MBTD1: variants seen among roughly 807,000 people sequenced by gnomAD.
The protein encoded by MBTD1 is MBT domain-containing protein 1.
MBTD1 carries 24 observed loss-of-function variants against 87.8 expected under a neutral mutation model. That is an observed-to-expected ratio of 0.27 (90% CI 0.20 to 0.38). MBTD1 has a LOEUF of 0.38. Ranked by LOEUF, MBTD1 falls within the 10% of genes least tolerant of loss-of-function variation. The pLI is 1.00. For synonymous variants in MBTD1, 237 were observed against 248.6 expected (o/e 0.95, Z 0.44); for missense variants, 436 against 760.2 (o/e 0.57, Z 5.02).
intron 2 of MBTD1, chr17:51,249,893 G>C (rs1048747488): frequency 2.6e-5 from 4 of 151,702 alleles, no homozygotes. Flanking sequence ...TCTTATTCTA[G>C]TTCTGAAAAA....
chr17:51,179,490 A>ATATATATATATATATATATATT lies in MBTD1; in HGVS notation c.*1085_*1086insAATATATATATATATATATATA, dbSNP rs2050209521. On this transcript the variant is annotated 3_prime_UTR_variant, in exon 17 of 17. Transcript: ENST00000586178. ...AATACAATTAAAGACAATTTTATAT[A>ATATATATATATATATATATATT]TATATATATATATATATATATATAT... The ATATATATATATATATATATATT allele has an allele frequency of 4.2e-5, 1 of 23,532 alleles. No individual in the cohort carries two copies. The highest frequency in any genetic ancestry group is 9.0e-5 in the Non-Finnish European group (1 of 11,152). 1.5% of individuals were successfully genotyped at this position (23,532 alleles called of 1,614,324 possible).
chr17:51,193,064 G>T, intron 14 of MBTD1, 48 bp from the exon 15 acceptor site: 1 of 1,299,926 alleles, frequency 7.7e-7, no homozygotes, highest in Non-Finnish European at 1.1e-6. Context: ...AAGAAAGAAT[G>T]CACAACCCTA....
rs923958198 is a variant in MBTD1, at chr17:51,213,102, G to A, written c.486+4232C>T. 1.4e-4 allele frequency among the ~76,000 whole-genome samples: 22 copies of A among 152,130 alleles called. 1 individual carries two copies. Among genetic ancestry groups the A allele is most frequent in the Middle Eastern group, 3.4e-3 (1 of 294 alleles). On this transcript the variant is annotated intron_variant, in intron 6 of 16. Transcript: ENST00000586178. ...CACCTAGGCTGGAGTGCAGTGGTACGATCAGGGCTAACTGCAGCCCTGACC... is the reference window on the plus strand; with the variant it reads ...CACCTAGGCTGGAGTGCAGTGGTACAATCAGGGCTAACTGCAGCCCTGACC...
chr17:51,225,258 C>G, intron 2 of MBTD1, 49 bp from the exon 3 acceptor site: 1 of 1,049,070 alleles, frequency 9.5e-7, no homozygotes. Flanking sequence ...CTCATACACA[C>G]CCCCTAAAAG....
chr17:51,195,350 G>A lies in MBTD1; in HGVS notation c.1236C>T (p.Asp412=), dbSNP rs372985102. Residue 412 remains aspartate (D), a synonymous_variant, in exon 13 of 17, where the codon GAC becomes GAT. Coordinates refer to ENST00000586178, the MANE Select transcript of MBTD1 (RefSeq NM_017643.3). Reference sequence around the variant, plus strand: ...CATCGATCCCAATCATCAGGAATCCGTCAGCTAGCACCTTTTCAATGAAGA... The same window carrying A: ...CATCGATCCCAATCATCAGGAATCCATCAGCTAGCACCTTTTCAATGAAGA... ...CVATIRKVLA[D]GFLMIGIDGS... 6.4e-5 allele frequency: 103 copies of A among 1,605,474 alleles called. No individual in the cohort carries two copies. In the South Asian group the frequency reaches 8.9e-4, roughly 14 times the overall value.
At chr17:51,216,931 T>C (rs1420231614) in intron 6 of MBTD1, among the ~76,000 whole-genome samples, 1 of 152,096 alleles carries the variant, frequency 6.6e-6, no homozygotes, top group African/African-American at 2.4e-5. Flanking sequence ...CTGGGTATGG[T>C]GGCTCATACC....
At chr17:51,260,504 G>A, upstream of MBTD1, 3 of 1,437,178 alleles carry the variant, frequency 2.1e-6, no homozygotes, top group Non-Finnish European at 2.8e-6. Context: ...CGGGGCTTCG[G>A]CGGCGGCGGC....
chr17:51,187,946 G>A (rs971375526), intron 16 of MBTD1, among the ~76,000 whole-genome samples: 6 of 150,668 alleles, frequency 4.0e-5, no homozygotes, highest in South Asian at 2.1e-4. Flanking sequence ...AGAATAAACC[G>A]AGTAAGAGCA....
chr17:51,237,541 G>T (rs996216663), intron 2 of MBTD1, among the ~76,000 whole-genome samples: 3 of 151,948 alleles, frequency 2.0e-5, no homozygotes, highest in Non-Finnish European at 4.4e-5. Flanking sequence ...GAAATTCAAA[G>T]ATATACAGAT....
chr17:51,228,981 A>C (rs1258469860), intron 2 of MBTD1, among the ~76,000 whole-genome samples: 1 of 151,846 alleles, frequency 6.6e-6, no homozygotes, highest in Non-Finnish European at 1.5e-5. Context: ...GGCCCAGCTC[A>C]TGTCCCTAAA....
intron 6 of MBTD1, among the ~76,000 whole-genome samples, chr17:51,210,757 AAACAACAACAACAAC>A (rs71149353): frequency 0.036 from 5,340 of 149,682 alleles, 107 homozygotes; most frequent in Non-Finnish European, 0.039. Flanking sequence ...CTCTGTCTCA[AAACAACAACAACAAC>A]AACAACAACA....
At chr17:51,229,358 C>CT (rs1400859297) in intron 2 of MBTD1, among the ~76,000 whole-genome samples, 1 of 151,738 alleles carries the variant, frequency 6.6e-6, no homozygotes, top group Non-Finnish European at 1.5e-5. Context: ...CCTGGCTAGT[C>CT]TACCTTCTTT....
chr17:51,253,790 A>G (rs2054930604), intron 2 of MBTD1, among the ~76,000 whole-genome samples: 1 of 152,198 alleles, frequency 6.6e-6, no homozygotes. Context: ...TGTAACTGTC[A>G]CTTAGGTAAA....
intron 2 of MBTD1, among the ~76,000 whole-genome samples, chr17:51,248,260 T>C (rs1168817263): frequency 2.6e-5 from 4 of 152,232 alleles, no homozygotes; most frequent in Non-Finnish European, 5.9e-5. Flanking sequence ...CCTTGTGCTT[T>C]TGGCTTACTT....
chr17:51,247,533 A>G (rs1257945669), intron 2 of MBTD1, among the ~76,000 whole-genome samples: 1 of 150,712 alleles, frequency 6.6e-6, no homozygotes, highest in Non-Finnish European at 1.5e-5. Flanking sequence ...TGCAGCCTCA[A>G]CACCCCTTGG....
At chr17:51,201,343 A>G (rs191928924) in intron 12 of MBTD1, among the ~76,000 whole-genome samples, 235 of 152,296 alleles carry the variant, frequency 1.5e-3, no homozygotes, top group Non-Finnish European at 2.5e-3. Flanking sequence ...ACTTAAATAA[A>G]TATTTTTCCT....
At chr17:51,211,874 T>C (rs2052243160) in intron 6 of MBTD1, among the ~76,000 whole-genome samples, 1 of 152,178 alleles carries the variant, frequency 6.6e-6, no homozygotes, top group Non-Finnish European at 1.5e-5. Flanking sequence ...CTGTAAACTA[T>C]TGCTACTGTA....
intron 6 of MBTD1, among the ~76,000 whole-genome samples, chr17:51,215,607 A>C (rs1336284520): frequency 6.6e-6 from 1 of 152,194 alleles, no homozygotes; most frequent in East Asian, 1.9e-4. Flanking sequence ...AAGAGAGTTA[A>C]AGATTTTCTT....
intron 2 of MBTD1, among the ~76,000 whole-genome samples, chr17:51,227,859 C>T (rs1165939086): frequency 6.7e-6 from 1 of 150,358 alleles, no homozygotes; most frequent in Non-Finnish European, 1.5e-5. Context: ...GGCTGAGGCA[C>T]GAGAATCGCT....
Sources: allele counts gnomAD v4.1 joint callset (sites outside exome capture counted in the v4.1 genomes callset), GRCh38; gene constraint gnomAD v4.1.1; transcripts MANE v1.5; gene names NCBI Gene and HGNC (gene_info 2026-07-23, HGNC 2026-07-21).